Variants in TENT2 observed in about 807,000 individuals in gnomAD.
The protein encoded by TENT2 is poly(A) RNA polymerase GLD2.
Under a neutral mutation model 72.2 loss-of-function variants are expected in TENT2, and 44 were observed. The observed-to-expected ratio is 0.61, with a 90% confidence interval of 0.48 to 0.78. The LOEUF (loss-of-function observed/expected upper bound fraction) is 0.78. TENT2 is among the 30% of genes least tolerant of loss of function. TENT2 has a pLI of 0.00. For missense variants in TENT2, 541 were observed against 569.6 expected (o/e 0.95, Z 0.51); for synonymous variants, 212 against 192.5 (o/e 1.10, Z -0.84).
intron 8 of TENT2, among the ~76,000 whole-genome samples, chr5:79,646,497 T>TA (rs1267745763): frequency 6.6e-6 from 1 of 152,214 alleles, no homozygotes; most frequent in African/African-American, 2.4e-5. Context: ...ACTGAATATA[T>TA]ATATTTTAAA....
chr5:79,619,751 C>G lies in TENT2; in HGVS notation c.103C>G (p.Leu35Val), dbSNP rs1217720251. ...ACCTACTGTTTATTCACACCAGCAG[C>G]TTATAGATGCACAATTCAACTTTCA... is the stretch of plus-strand genomic sequence containing the variant. ...LSPTVYSHQQ[L>V]IDAQFNFQNA... is the part of the protein sequence containing the mutation. Residue 35 changes from leucine to valine, a missense_variant, in exon 2 of 15, where the codon CTT becomes GTT. Physicochemically the swap from Leu to Val is conservative, Grantham distance 32. Coordinates refer to ENST00000453514, the MANE Select transcript of TENT2 (RefSeq NM_001114394.3). 2 of 1,613,530 alleles carry G rather than the reference C, an allele frequency of 1.2e-6. No homozygotes were observed. The highest frequency in any genetic ancestry group is 2.2e-5 in the East Asian group (1 of 44,846).
intron 8 of TENT2, 127 bp from the exon 9 acceptor site, chr5:79,648,490 A>C: frequency 6.2e-6 from 4 of 640,158 alleles, no homozygotes; most frequent in Non-Finnish European, 1.1e-5. Context: ...AAAAACACAG[A>C]TCTATGGCCT....
chr5:79,641,024 C>CTTT, intron 5 of TENT2, 59 bp downstream of exon 5: 2 of 1,140,176 alleles, frequency 1.8e-6, no homozygotes, highest in Non-Finnish European at 2.4e-6. Flanking sequence ...TAAATTTTAT[C>CTTT]TTTTTTTTTT....
At chr5:79,666,387 T>C (rs80323529) in intron 11 of TENT2, among the ~76,000 whole-genome samples, 9 of 151,664 alleles carry the variant, frequency 5.9e-5, no homozygotes, top group African/African-American at 2.2e-4. Context: ...TTTTTTTTTT[T>C]TGCGATAAGG....
intron 4 of TENT2, among the ~76,000 whole-genome samples, chr5:79,630,733 G>A (rs1239048699): frequency 6.6e-6 from 1 of 152,098 alleles, no homozygotes; most frequent in African/African-American, 2.4e-5. Context: ...AGGTGTGGTA[G>A]GGGAGATGGG....
intron 12 of TENT2, among the ~76,000 whole-genome samples, chr5:79,675,733 T>C (rs557848491): frequency 6.6e-6 from 1 of 152,238 alleles, no homozygotes; most frequent in South Asian, 2.1e-4. Context: ...TGACCATGCA[T>C]GGGATATATT....
At chr5:79,630,667 TAACTG>T (rs1384173705) in intron 4 of TENT2, among the ~76,000 whole-genome samples, 5 of 151,952 alleles carry the variant, frequency 3.3e-5, no homozygotes, top group African/African-American at 7.3e-5. Context: ...AGTGTACAAA[TAACTG>T]AAAGGAGGTC....
intron 7 of TENT2, chr5:79,643,134 T>TG (rs1416270975): frequency 1.4e-4 from 37 of 273,772 alleles, no homozygotes; most frequent in African/African-American, 2.8e-4. Context: ...CCTGCTGCAG[T>TG]GGGGGGGATT....
At chr5:79,649,280 T>C in intron 10 of TENT2, 90 bp downstream of exon 10, 1 of 1,266,150 alleles carries the variant, frequency 7.9e-7, no homozygotes, top group Non-Finnish European at 1.1e-6. Flanking sequence ...TCAAATAGTA[T>C]TGTTTTAAAA....
chr5:79,616,576 C>T (rs996488218), intron 1 of TENT2, among the ~76,000 whole-genome samples: 1 of 152,106 alleles, frequency 6.6e-6, no homozygotes, highest in African/African-American at 2.4e-5. Context: ...CCTCAGCCTC[C>T]CAAGGGATTA....
Position 79,623,233 on chromosome 5 carries a change from GT to G in TENT2, c.228-18del, listed in dbSNP as rs548043431. 7,886 of 1,555,502 alleles carry G rather than the reference GT, an allele frequency of 5.1e-3. 35 individuals are homozygous for G. The highest frequency in any genetic ancestry group is 6.3e-3 in the Non-Finnish European group (7,215 of 1,139,376). On this transcript the variant is annotated intron_variant, in intron 3 of 14. Transcript: ENST00000453514. ...GAAAGTTGTATCTTTAATTACTAAG[GT>G]ATATTGCTTGTTTTCAGGAGATTAA...
chr5:79,678,611 GT>G (rs1460212019), intron 12 of TENT2, among the ~76,000 whole-genome samples: 2 of 152,088 alleles, frequency 1.3e-5, no homozygotes, highest in Non-Finnish European at 2.9e-5. Context: ...TGATGAGATT[GT>G]TTTACTTGAA....
chr5:79,614,516 C>T (rs1757987295), intron 1 of TENT2, among the ~76,000 whole-genome samples: 1 of 152,194 alleles, frequency 6.6e-6, no homozygotes, highest in African/African-American at 2.4e-5. Flanking sequence ...TACCAGTATA[C>T]TCTTTCATGG....
At chr5:79,671,167 T>G (rs1323310258) in intron 12 of TENT2, among the ~76,000 whole-genome samples, 2 of 152,148 alleles carry the variant, frequency 1.3e-5, no homozygotes, top group Non-Finnish European at 2.9e-5. Context: ...TAAAGGAAAC[T>G]AGTCTGCTGG....
intron 11 of TENT2, among the ~76,000 whole-genome samples, chr5:79,657,263 G>A (rs965718023): frequency 6.6e-6 from 1 of 152,018 alleles, no homozygotes; most frequent in Non-Finnish European, 1.5e-5. Context: ...TATCACTAAT[G>A]GAGATTAAAT....
intron 4 of TENT2, among the ~76,000 whole-genome samples, chr5:79,632,421 G>C (rs965298457): frequency 6.6e-6 from 1 of 151,970 alleles, no homozygotes; most frequent in African/African-American, 2.4e-5. Flanking sequence ...TTTACTCTAG[G>C]TTTTAGAAGA....
intron 6 of TENT2, among the ~76,000 whole-genome samples, chr5:79,641,492 A>G (rs1377347317): frequency 1.3e-5 from 2 of 148,744 alleles, no homozygotes; most frequent in East Asian, 4.0e-4. Context: ...TAGTTTGGAT[A>G]TGTTACCAGG....
At chr5:79,635,413 A>G (rs1218138588) in intron 4 of TENT2, among the ~76,000 whole-genome samples, 1 of 148,900 alleles carries the variant, frequency 6.7e-6, no homozygotes, top group Non-Finnish European at 1.5e-5. Flanking sequence ...CCATGCATGT[A>G]AAAAATGGAG....
At chr5:79,631,866 CTT>C (rs1775850053) in intron 4 of TENT2, among the ~76,000 whole-genome samples, 1 of 152,040 alleles carries the variant, frequency 6.6e-6, no homozygotes, top group African/African-American at 2.4e-5. Flanking sequence ...AAGAGAAAAA[CTT>C]TTTTGAACTG....
Sources: allele counts gnomAD v4.1 joint callset (sites outside exome capture counted in the v4.1 genomes callset), GRCh38; gene constraint gnomAD v4.1.1; transcripts MANE v1.5; gene names NCBI Gene and HGNC (gene_info 2026-07-23, HGNC 2026-07-21).